The following PPP2R2B variants were observed in gnomAD, a reference collection of about 807,000 sequenced individuals.
PPP2R2B encodes protein phosphatase 2 regulatory subunit Bbeta, also known as serine/threonine-protein phosphatase 2A 55 kDa regulatory subunit B beta isoform.
In PPP2R2B, 5 loss-of-function variants were observed where a neutral mutation model predicts 46.0. The ratio of observed to expected loss-of-function variants is 0.11; its 90% CI spans 0.06 to 0.23. The LOEUF (loss-of-function observed/expected upper bound fraction) is 0.23. PPP2R2B is among the 10% of genes least tolerant of loss of function. The probability of loss-of-function intolerance (pLI) is 1.00; values close to 1 mark genes in which losing one functional copy is unlikely to be tolerated. For missense variants in PPP2R2B, 367 were observed against 575.0 expected (o/e 0.64, Z 3.70); for synonymous variants, 215 against 206.7 (o/e 1.04, Z -0.34).
chr5:147,012,377 T>C (rs545656023), intron 1 of PPP2R2B, among the ~76,000 whole-genome samples: 2,807 of 152,184 alleles, frequency 0.018, 94 homozygotes, highest in African/African-American at 0.065. Flanking sequence ...GAGGTGTTTG[T>C]AGTATTCTCT....
At chr5:146,704,791 T>C (rs1779736192) in intron 2 of PPP2R2B, among the ~76,000 whole-genome samples, 1 of 152,166 alleles carries the variant, frequency 6.6e-6, no homozygotes, top group Admixed American at 6.5e-5. Context: ...ATTTCATACA[T>C]AAAGTATTAT....
chr5:146,741,483 C>T (rs772161121), intron 2 of PPP2R2B, among the ~76,000 whole-genome samples: 17 of 152,226 alleles, frequency 1.1e-4, no homozygotes, highest in African/African-American at 3.4e-4. Context: ...GAAACACTCC[C>T]GGTGTCCTTG....
At chr5:146,863,834 G>A (rs768891373) in intron 2 of PPP2R2B, among the ~76,000 whole-genome samples, 1 of 152,106 alleles carries the variant, frequency 6.6e-6, no homozygotes, top group Non-Finnish European at 1.5e-5. Context: ...TAAATACTCA[G>A]GCTAAATGAA....
At chr5:146,649,557 G>A (rs566763398) in intron 6 of PPP2R2B, among the ~76,000 whole-genome samples, 1 of 152,032 alleles carries the variant, frequency 6.6e-6, no homozygotes, top group Admixed American at 6.6e-5. Context: ...CGATTCTCCT[G>A]CCTCAGCCTC....
intron 1 of PPP2R2B, among the ~76,000 whole-genome samples, chr5:146,922,844 T>C (rs1161734033): frequency 6.6e-6 from 1 of 152,050 alleles, no homozygotes; most frequent in Non-Finnish European, 1.5e-5. Context: ...TTGCTGGGGC[T>C]TCTGGGAAAA....
intron 2 of PPP2R2B, among the ~76,000 whole-genome samples, chr5:147,068,204 G>A (rs192232117): frequency 3.3e-5 from 5 of 152,204 alleles, no homozygotes; most frequent in South Asian, 4.2e-4. Context: ...TGTGTCAAGC[G>A]CCGTGCTTTG....
chr5:147,007,801 A>G (rs985607616), intron 1 of PPP2R2B, among the ~76,000 whole-genome samples: 2 of 152,188 alleles, frequency 1.3e-5, no homozygotes, highest in Non-Finnish European at 2.9e-5. Flanking sequence ...TCCTGAAGTC[A>G]GCAAGACCAT....
intron 7 of PPP2R2B, among the ~76,000 whole-genome samples, chr5:146,622,718 A>G (rs1489286985): frequency 6.6e-6 from 1 of 152,208 alleles, no homozygotes; most frequent in Non-Finnish European, 1.5e-5. Context: ...GTTGAGTTGG[A>G]AACAATCACT....
At chr5:146,949,461 C>T (rs867049472) in intron 1 of PPP2R2B, among the ~76,000 whole-genome samples, 2 of 152,142 alleles carry the variant, frequency 1.3e-5, no homozygotes, top group Middle Eastern at 3.4e-3. Flanking sequence ...GATATCATCT[C>T]ACCCCAGTTA....
chr5:146,966,659 C>A (rs1268440656), intron 1 of PPP2R2B, among the ~76,000 whole-genome samples: 2 of 152,184 alleles, frequency 1.3e-5, no homozygotes, highest in Non-Finnish European at 2.9e-5. Context: ...AAGTGTGGGG[C>A]CATGTGAGCC....
At chr5:146,717,810 C>T (rs1479402184) in intron 2 of PPP2R2B, among the ~76,000 whole-genome samples, 1 of 152,118 alleles carries the variant, frequency 6.6e-6, no homozygotes, top group East Asian at 1.9e-4. Flanking sequence ...TGCTTTCCCC[C>T]TTAATTTGGG....
chr5:146,608,744 C>T (rs1772549305), intron 7 of PPP2R2B, among the ~76,000 whole-genome samples: 1 of 152,082 alleles, frequency 6.6e-6, no homozygotes, highest in Non-Finnish European at 1.5e-5. Context: ...AAGATCATGC[C>T]ACTGCACTCC....
chr5:146,720,566 A>C lies in PPP2R2B; in HGVS notation c.71-19424T>G, dbSNP rs1367990983. On this transcript the variant is annotated intron_variant, in intron 2 of 9. Coordinates refer to ENST00000394411, the MANE Select transcript of PPP2R2B (RefSeq NM_181675.4). ...CGAACACTGTTGGGAAATAGCTCAT[A>C]CACTGTCCCTCATCTTGGGGATTTA... Among the ~76,000 whole-genome samples, 3 of 152,188 alleles carry C rather than the reference A, an allele frequency of 2.0e-5. No individual in the cohort carries two copies. In the South Asian group the frequency reaches 6.2e-4, roughly 32 times the overall value.
chr5:146,640,055 G>A (rs1775094459), intron 6 of PPP2R2B, among the ~76,000 whole-genome samples: 1 of 152,186 alleles, frequency 6.6e-6, no homozygotes, highest in Non-Finnish European at 1.5e-5. Flanking sequence ...ACAAGCAAAT[G>A]CACTGATATT....
intron 8 of PPP2R2B, among the ~76,000 whole-genome samples, chr5:146,597,238 C>T (rs1385084224): frequency 1.3e-5 from 2 of 152,150 alleles, no homozygotes; most frequent in Non-Finnish European, 2.9e-5. Context: ...TTCAGGCACT[C>T]TAGTCTCTCT....
At chr5:146,862,533 A>T (rs1368433303) in intron 2 of PPP2R2B, among the ~76,000 whole-genome samples, 2 of 152,150 alleles carry the variant, frequency 1.3e-5, no homozygotes, top group African/African-American at 4.8e-5. Flanking sequence ...GGAATTCAGG[A>T]AAAACTTCAC....
chr5:147,035,319 A>C, intron 1 of PPP2R2B: 1 of 325,930 alleles, frequency 3.1e-6, no homozygotes, highest in Non-Finnish European at 6.0e-6. Context: ...TCTCATGAGA[A>C]CTCTATCACG....
At chr5:146,753,992 A>G (rs1223744316) in intron 2 of PPP2R2B, among the ~76,000 whole-genome samples, 3 of 152,062 alleles carry the variant, frequency 2.0e-5, no homozygotes, top group Non-Finnish European at 4.4e-5. Context: ...AGAGGTTGCA[A>G]TTATGAGCAA....
chr5:146,996,745 C>A (rs183733455), intron 1 of PPP2R2B, among the ~76,000 whole-genome samples: 46 of 152,234 alleles, frequency 3.0e-4, no homozygotes, highest in African/African-American at 1.1e-3. Flanking sequence ...AAGTGAAAGG[C>A]AATCCTGAGG....
Sources: gnomAD v4.1 joint callset for allele counts (sites outside exome capture counted in the v4.1 genomes callset) on GRCh38, gnomAD v4.1.1 for gene constraint, MANE v1.5 for transcripts, NCBI Gene and HGNC (gene_info 2026-07-23, HGNC 2026-07-21) for gene names.